The following DNAJC15 variants were observed in gnomAD, a reference collection of about 807,000 sequenced individuals.
DNAJC15 encodes DnaJ heat shock protein family (Hsp40) member C15.
Under a neutral mutation model 22.4 loss-of-function variants are expected in DNAJC15, and 27 were observed. The ratio of observed to expected loss-of-function variants is 1.20; its 90% CI spans 0.89 to 1.66. DNAJC15 has a LOEUF of 1.66. DNAJC15 is among the 40% of genes most tolerant of loss of function. DNAJC15 has a pLI of 0.00. For missense variants in DNAJC15, 208 were observed against 187.1 expected (o/e 1.11, Z -0.65); for synonymous variants, 79 against 63.2 (o/e 1.25, Z -1.19).
chr13:43,078,747 G>C, intron 4 of DNAJC15, 59 bp downstream of exon 4: 8 of 1,507,056 alleles, frequency 5.3e-6, no homozygotes, highest in Non-Finnish European at 7.3e-6. Flanking sequence ...TTAAAAAAGA[G>C]AAAACGTTAC....
intron 1 of DNAJC15, among the ~76,000 whole-genome samples, chr13:43,050,299 A>T (rs1452056812): frequency 6.6e-6 from 1 of 152,104 alleles, no homozygotes; most frequent in East Asian, 1.9e-4. Context: ...TTCCTTTAAA[A>T]TTTTAAAAAA....
At chr13:43,059,849 C>A (rs899206700) in intron 1 of DNAJC15, among the ~76,000 whole-genome samples, 5 of 151,734 alleles carry the variant, frequency 3.3e-5, no homozygotes, top group African/African-American at 1.2e-4. Flanking sequence ...CAATGTTTCG[C>A]GGGCATGGGG....
At chr13:43,036,669 C>G (rs2040430453) in intron 1 of DNAJC15, among the ~76,000 whole-genome samples, 1 of 152,224 alleles carries the variant, frequency 6.6e-6, no homozygotes, top group Non-Finnish European at 1.5e-5. Context: ...CTGCCACCAA[C>G]ATGACCTCCA....
chr13:43,050,329 C>T (rs2324996), intron 1 of DNAJC15, among the ~76,000 whole-genome samples: 32,278 of 151,816 alleles, frequency 0.21, 3,592 homozygotes, highest in South Asian at 0.38. Flanking sequence ...TTTTTTGAGA[C>T]AGGGTCTCAC....
intron 1 of DNAJC15, among the ~76,000 whole-genome samples, chr13:43,042,403 G>A (rs10492658): frequency 0.018 from 2,674 of 152,232 alleles, 97 homozygotes; most frequent in East Asian, 0.13. Flanking sequence ...CTTCTTAGTA[G>A]CTGAGAAGCA....
intron 3 of DNAJC15, among the ~76,000 whole-genome samples, chr13:43,071,147 A>G (rs2040606847): frequency 6.6e-6 from 1 of 152,242 alleles, no homozygotes; most frequent in South Asian, 2.1e-4. Context: ...AAAGGAAGAG[A>G]GAGCAAGAAA....
intron 4 of DNAJC15, among the ~76,000 whole-genome samples, chr13:43,081,403 A>G (rs797005136): frequency 1.8e-4 from 28 of 152,236 alleles, no homozygotes; most frequent in African/African-American, 6.5e-4. Flanking sequence ...TTAAGAACCT[A>G]TCAACAGTAT....
intron 1 of DNAJC15, among the ~76,000 whole-genome samples, chr13:43,059,183 G>C (rs1358466830): frequency 2.6e-5 from 4 of 151,984 alleles, no homozygotes; most frequent in Non-Finnish European, 5.9e-5. Flanking sequence ...AGGTTACAAG[G>C]CCTTTGTTTT....
intron 4 of DNAJC15, 164 bp downstream of exon 4, chr13:43,078,852 C>A: frequency 2.0e-6 from 1 of 493,852 alleles, no homozygotes. Context: ...AAAAGTATCC[C>A]ACTCCCCTAA....
In DNAJC15 at chr13:43,057,889, G is replaced by A. The variant is rs545131703; in HGVS notation, c.109-7797G>A. On this transcript the variant is annotated intron_variant, in intron 1 of 5. Transcript: ENST00000379221. ...CTGCTCTTCTGGGTCTAGCCACCCA[G>A]CAGAGCTACTGGGCTCTGGGCTAGT... Among the ~76,000 whole-genome samples, 3 of 152,296 alleles carry A rather than the reference G, an allele frequency of 2.0e-5. No individual in the cohort carries two copies. The East Asian group carries it at 5.8e-4, about 29-fold the overall frequency.
chr13:43,059,154 T>G (rs1345242267), intron 1 of DNAJC15, among the ~76,000 whole-genome samples: 1 of 144,424 alleles, frequency 6.9e-6, no homozygotes, highest in African/African-American at 2.4e-5. Context: ...CACCGTTTTT[T>G]TCTTTTTGTT....
chr13:43,048,795 G>A (rs1316755512), intron 1 of DNAJC15, among the ~76,000 whole-genome samples: 1 of 152,116 alleles, frequency 6.6e-6, no homozygotes, highest in African/African-American at 2.4e-5. Context: ...TCTATAAGTA[G>A]AAGTATGTGG....
intron 5 of DNAJC15, among the ~76,000 whole-genome samples, chr13:43,099,972 C>T (rs2040759328): frequency 6.6e-6 from 1 of 151,976 alleles, no homozygotes; most frequent in Non-Finnish European, 1.5e-5. Flanking sequence ...GAAATGTTCT[C>T]TTTCTCTCTT....
Position 43,078,613 on chromosome 13 carries a change from GCTTTTCATC to G in DNAJC15, c.239_247del (p.Phe80_Ser82del), listed in dbSNP as rs759518876. On this transcript the variant is annotated inframe_deletion and splice_region_variant, in exon 4 of 6. Coordinates refer to ENST00000379221, the MANE Select transcript of DNAJC15 (RefSeq NM_013238.3). ...TCTTGCTCTTTCTTTCCTATACAGA[GCTTTTCATC>G]CTACTATAAAGGAGGATTTGAACAG... 14 of 1,612,442 alleles carry G rather than the reference GCTTTTCATC, an allele frequency of 8.7e-6. No individual in the cohort carries two copies. In the African/African-American group the frequency reaches 1.3e-4, roughly 15 times the overall value.
chr13:43,081,225 C>A (rs552660841), intron 4 of DNAJC15, among the ~76,000 whole-genome samples: 1 of 152,098 alleles, frequency 6.6e-6, no homozygotes, highest in African/African-American at 2.4e-5. Context: ...TGTTTTTATA[C>A]CTGGTATAGT....
At chr13:43,026,735 A>C (rs1246154640) in intron 1 of DNAJC15, among the ~76,000 whole-genome samples, 1 of 152,252 alleles carries the variant, frequency 6.6e-6, no homozygotes, top group East Asian at 1.9e-4. Flanking sequence ...TTTAAGGTTT[A>C]TGAAATATAT....
chr13:43,038,867 A>G (rs890579585), intron 1 of DNAJC15, among the ~76,000 whole-genome samples: 1 of 152,158 alleles, frequency 6.6e-6, no homozygotes, highest in Non-Finnish European at 1.5e-5. Flanking sequence ...TTCATGAAAT[A>G]AAGAATTAAG....
intron 5 of DNAJC15, among the ~76,000 whole-genome samples, chr13:43,087,916 TAAA>T (rs2040696908): frequency 6.6e-6 from 1 of 152,180 alleles, no homozygotes; most frequent in African/African-American, 2.4e-5. Context: ...TGTAGTGAGA[TAAA>T]AAAATAATGC....
chr13:43,040,302 G>T (rs1389707538), intron 1 of DNAJC15, among the ~76,000 whole-genome samples: 1 of 152,148 alleles, frequency 6.6e-6, no homozygotes, highest in African/African-American at 2.4e-5. Context: ...AATGCTGAAG[G>T]TTTTAAAATA....
Sources: allele counts gnomAD v4.1 joint callset (sites outside exome capture counted in the v4.1 genomes callset), GRCh38; gene constraint gnomAD v4.1.1; transcripts MANE v1.5; gene names NCBI Gene and HGNC (gene_info 2026-07-23, HGNC 2026-07-21).